FRMD6: variants seen among roughly 807,000 people sequenced by gnomAD.
FRMD6 encodes the protein FERM domain-containing protein 6.
In FRMD6, 37 loss-of-function variants were observed where a neutral mutation model predicts 73.2. The observed-to-expected ratio is 0.51, with a 90% CI of 0.39 to 0.66. FRMD6 has a LOEUF of 0.66. Ranked by LOEUF, FRMD6 falls within the 30% of genes least tolerant of loss-of-function variation. The pLI, the probability that FRMD6 is intolerant of heterozygous loss-of-function variation, is 0.00. For missense variants in FRMD6, 714 were observed against 780.5 expected, an observed-to-expected ratio of 0.91 and a Z score of 1.02; for synonymous variants, 273 against 282.2, an observed-to-expected ratio of 0.97 and a Z score of 0.33.
intron 1 of FRMD6, among the ~76,000 whole-genome samples, chr14:51,504,694 T>C (rs1415835082): frequency 6.6e-6 from 1 of 152,174 alleles, no homozygotes; most frequent in Non-Finnish European, 1.5e-5. Flanking sequence ...CACAGCTCTG[T>C]CTGGGCCCAG....
At chr14:51,676,379 A>G (rs548008756) in intron 1 of FRMD6, among the ~76,000 whole-genome samples, 1 of 152,316 alleles carries the variant, frequency 6.6e-6, no homozygotes, top group South Asian at 2.1e-4. Flanking sequence ...ATTCATTAAC[A>G]ATACTAGGAG....
At chr14:51,639,968 AT>A (rs1891744830) in intron 2 of FRMD6, among the ~76,000 whole-genome samples, 1 of 152,184 alleles carries the variant, frequency 6.6e-6, no homozygotes, top group Non-Finnish European at 1.5e-5. Context: ...TAAGAATATG[AT>A]TCATGTATAC....
chr14:51,499,240 G>T (rs922407175), intron 1 of FRMD6, among the ~76,000 whole-genome samples: 3 of 152,208 alleles, frequency 2.0e-5, no homozygotes, highest in Non-Finnish European at 4.4e-5. Context: ...TCTCAGCAAC[G>T]ACAGCTGAGC....
At chr14:51,425,787 T>G in the FRMD6 span, among the ~76,000 whole-genome samples, 2 of 152,228 alleles carry the variant, frequency 1.3e-5, no homozygotes, top group East Asian at 3.9e-4. Context: ...CTCTGTGAAC[T>G]TCCATCATGA....
intron 2 of FRMD6, among the ~76,000 whole-genome samples, chr14:51,581,909 A>G (rs896027833): frequency 3.3e-5 from 5 of 152,240 alleles, no homozygotes; most frequent in African/African-American, 1.2e-4. Context: ...GCAAATCCTC[A>G]TAAGGGAACC....
chr14:51,546,256 G>T (rs767370509), intron 1 of FRMD6, among the ~76,000 whole-genome samples: 10 of 151,996 alleles, frequency 6.6e-5, no homozygotes, highest in Non-Finnish European at 1.3e-4. Context: ...GATCACATTA[G>T]GCCATGAGTG....
At chr14:51,461,931 G>A in the FRMD6 span, among the ~76,000 whole-genome samples, 1 of 152,154 alleles carries the variant, frequency 6.6e-6, no homozygotes, top group South Asian at 2.1e-4. Flanking sequence ...TGCATGCAAG[G>A]TGCTTAGCAC....
At chr14:51,478,888 G>A in the FRMD6 span, among the ~76,000 whole-genome samples, 26 of 152,020 alleles carry the variant, frequency 1.7e-4, no homozygotes, top group African/African-American at 6.3e-4. Flanking sequence ...GATGAATTTA[G>A]GTCTGTACAC....
intron 1 of FRMD6, among the ~76,000 whole-genome samples, chr14:51,542,298 C>T (rs534847028): frequency 5.9e-5 from 9 of 152,138 alleles, no homozygotes; most frequent in Non-Finnish European, 1.2e-4. Flanking sequence ...TTCTCTCCTA[C>T]CCGCAGTCTG....
intron 2 of FRMD6, among the ~76,000 whole-genome samples, chr14:51,587,176 G>T (rs55759452): frequency 6.6e-6 from 1 of 152,072 alleles, no homozygotes; most frequent in Non-Finnish European, 1.5e-5. Context: ...ATATATTTTT[G>T]ATGACTTTGC....
intron 2 of FRMD6, among the ~76,000 whole-genome samples, chr14:51,603,408 G>T (rs1239039419): frequency 1.3e-5 from 2 of 152,130 alleles, no homozygotes; most frequent in Middle Eastern, 3.4e-3. Context: ...TTTCAGATAT[G>T]TTGTATCTGA....
chr14:51,658,862 A>G (rs927272927), intron 1 of FRMD6, among the ~76,000 whole-genome samples: 1 of 152,254 alleles, frequency 6.6e-6, no homozygotes, highest in Non-Finnish European at 1.5e-5. Context: ...GCTTAAGCTC[A>G]TTAAAAAGGT....
chr14:51,432,806 A>G, the FRMD6 span, among the ~76,000 whole-genome samples: 2 of 152,176 alleles, frequency 1.3e-5, no homozygotes, highest in African/African-American at 4.8e-5. Flanking sequence ...AGGGCTGAGA[A>G]AGCAGGCAAG....
At chr14:51,596,270 T>C (rs996348450) in intron 2 of FRMD6, among the ~76,000 whole-genome samples, 2 of 151,848 alleles carry the variant, frequency 1.3e-5, no homozygotes, top group African/African-American at 4.8e-5. Flanking sequence ...TGTGTGTGTG[T>C]GTGTGTGTAT....
intron 2 of FRMD6, among the ~76,000 whole-genome samples, chr14:51,621,488 G>A (rs919401467): frequency 6.6e-6 from 1 of 152,188 alleles, no homozygotes; most frequent in Non-Finnish European, 1.5e-5. Context: ...GTAGCCAGAA[G>A]ATCTTTTTAA....
intron 1 of FRMD6, among the ~76,000 whole-genome samples, chr14:51,550,323 TGGCCTCCCTG>T (rs1886738948): frequency 6.6e-6 from 1 of 152,196 alleles, no homozygotes; most frequent in South Asian, 2.1e-4. Context: ...ACTGCAGCCT[TGGCCTCCCTG>T]GGCTCAAGTG....
chr14:51,427,436 T>G, the FRMD6 span, among the ~76,000 whole-genome samples: 1 of 152,224 alleles, frequency 6.6e-6, no homozygotes, highest in Non-Finnish European at 1.5e-5. Flanking sequence ...AAATTATGAA[T>G]GTATGAAGAA....
chr14:51,464,499 A>C, the FRMD6 span, among the ~76,000 whole-genome samples: 1 of 152,214 alleles, frequency 6.6e-6, no homozygotes, highest in South Asian at 2.1e-4. Flanking sequence ...AAAGCCAACT[A>C]ACTCGTGCAG....
intron 2 of FRMD6, among the ~76,000 whole-genome samples, chr14:51,580,863 G>C (rs1888682268): frequency 6.6e-6 from 1 of 152,194 alleles, no homozygotes; most frequent in Non-Finnish European, 1.5e-5. Context: ...CACTGTACTG[G>C]ATCTGTAACT....
Sources: allele counts gnomAD v4.1 joint callset (sites outside exome capture counted in the v4.1 genomes callset), GRCh38; gene constraint gnomAD v4.1.1; transcripts MANE v1.5; gene names NCBI Gene and HGNC (gene_info 2026-07-23, HGNC 2026-07-21).